SCAND3: variants seen among roughly 807,000 people sequenced by gnomAD.
SCAND3 encodes SCAN domain-containing protein 3.
chr6:28,573,354 T>G, the SCAND3 span: 1 of 1,614,146 alleles, frequency 6.2e-7, no homozygotes. Context: ...TGATGCAGTC[T>G]TTCACTAGTG....
chr6:28,577,789 T>G, the SCAND3 span, among the ~76,000 whole-genome samples: 2 of 152,102 alleles, frequency 1.3e-5, no homozygotes, highest in Non-Finnish European at 2.9e-5. Context: ...TTTCTGCTGA[T>G]CCCAAATTTT....
At chr6:28,575,046 A>T in the SCAND3 span, 1 of 1,614,100 alleles carries the variant, frequency 6.2e-7, no homozygotes, top group Non-Finnish European at 8.5e-7. This position sits in a 1 kb window ranked among gnomAD's most constrained non-coding sequence, Gnocchi z 4.2. Flanking sequence ...ACTCTTTGTC[A>T]GCCTGATCTA....
chr6:28,595,353 A>AAAAAG, the SCAND3 span, among the ~76,000 whole-genome samples: 1 of 144,644 alleles, frequency 6.9e-6, no homozygotes, highest in Non-Finnish European at 1.5e-5. Context: ...AAAAAAAAAA[A>AAAAAG]AAGAAGAAGA....
At chr6:28,606,183 A>G in the SCAND3 span, among the ~76,000 whole-genome samples, 8 of 152,248 alleles carry the variant, frequency 5.3e-5, no homozygotes, top group Admixed American at 5.2e-4. Context: ...GAAGCAACTC[A>G]TAAGGCAAAT....
chr6:28,573,263 G>A, the SCAND3 span: 1 of 1,613,960 alleles, frequency 6.2e-7, no homozygotes, highest in Non-Finnish European at 8.5e-7. Context: ...TGAATACGTC[G>A]AGCTATGGTG....
chr6:28,608,920 G>A, the SCAND3 span, among the ~76,000 whole-genome samples: 3 of 151,932 alleles, frequency 2.0e-5, no homozygotes, highest in Non-Finnish European at 4.4e-5. Context: ...TTGAGCCCAG[G>A]AGGTTAAGAC....
chr6:28,613,743 G>A, the SCAND3 span, among the ~76,000 whole-genome samples: 1 of 152,132 alleles, frequency 6.6e-6, no homozygotes, highest in Non-Finnish European at 1.5e-5. Flanking sequence ...GGGACTAGAT[G>A]TTGCAAAATT....
chr6:28,613,123 T>A, the SCAND3 span, among the ~76,000 whole-genome samples: 1 of 152,218 alleles, frequency 6.6e-6, no homozygotes, highest in African/African-American at 2.4e-5. Flanking sequence ...GTCCAGTATA[T>A]ACACAATATG....
chr6:28,580,359 C>A, the SCAND3 span, among the ~76,000 whole-genome samples: 1 of 151,264 alleles, frequency 6.6e-6, no homozygotes, highest in South Asian at 2.1e-4. Flanking sequence ...GAGGCTGAGG[C>A]AGGAGGATCA....
chr6:28,572,407 ATTG>A, the SCAND3 span: 3 of 1,613,460 alleles, frequency 1.9e-6, no homozygotes, highest in Non-Finnish European at 2.5e-6. The surrounding 1 kb of genome is among the most constrained non-coding windows in gnomAD (Gnocchi z 4.1). Context: ...TTCATTGATA[ATTG>A]TTGTTAAATT....
chr6:28,573,904 A>C, the SCAND3 span: 1 of 1,385,684 alleles, frequency 7.2e-7, no homozygotes, highest in Non-Finnish European at 9.4e-7. Flanking sequence ...CACAAGTTAA[A>C]AACTAGATTT....
chr6:28,584,397 G>A, the SCAND3 span, among the ~76,000 whole-genome samples: 4 of 151,910 alleles, frequency 2.6e-5, no homozygotes, highest in African/African-American at 7.3e-5. Flanking sequence ...AAAATCACCC[G>A]AAAGATCAGA....
the SCAND3 span, chr6:28,571,764 A>C: frequency 6.3e-5 from 56 of 895,700 alleles, no homozygotes; most frequent in African/African-American, 8.2e-4. Context: ...GGCAATTTAT[A>C]TAGAAAATTG....
At chr6:28,581,908 A>G in the SCAND3 span, among the ~76,000 whole-genome samples, 5 of 152,260 alleles carry the variant, frequency 3.3e-5, no homozygotes, top group Non-Finnish European at 7.3e-5. Flanking sequence ...TTGGCAGCTA[A>G]AAGTGTCTGC....
At chr6:28,580,812 G>T in the SCAND3 span, among the ~76,000 whole-genome samples, 1 of 30,668 alleles carries the variant, frequency 3.3e-5, no homozygotes, top group Non-Finnish European at 6.2e-5. Flanking sequence ...ACCCCCCCAA[G>T]CACAAACACA....
the SCAND3 span, among the ~76,000 whole-genome samples, chr6:28,581,662 A>C: frequency 2.0e-5 from 3 of 152,178 alleles, no homozygotes; most frequent in Non-Finnish European, 2.9e-5. Flanking sequence ...ATTAGTGTTC[A>C]AGACTGGAAG....
the SCAND3 span, among the ~76,000 whole-genome samples, chr6:28,600,752 A>G: frequency 6.6e-6 from 1 of 152,308 alleles, no homozygotes; most frequent in Admixed American, 6.5e-5. Flanking sequence ...CATAACTGGA[A>G]AAATTGAACA....
chr6:28,578,199 A>G, the SCAND3 span, among the ~76,000 whole-genome samples: 2 of 152,232 alleles, frequency 1.3e-5, no homozygotes, highest in Admixed American at 1.3e-4. Flanking sequence ...GTTAAAATTA[A>G]TGATATGTTA....
chr6:28,602,569 C>G, the SCAND3 span, among the ~76,000 whole-genome samples: 2 of 152,172 alleles, frequency 1.3e-5, no homozygotes, highest in Non-Finnish European at 2.9e-5. Flanking sequence ...CTTCTCTGCC[C>G]CAATACCTCA....
Sources: gnomAD v4.1 joint callset for allele counts (sites outside exome capture counted in the v4.1 genomes callset) on GRCh38, gnomAD v4.1.1 for gene constraint, Gnocchi (gnomAD v3.1) non-coding constraint, MANE v1.5 for transcripts, NCBI Gene and HGNC (gene_info 2026-07-23, HGNC 2026-07-21) for gene names.